Variants in PAK3 observed in about 807,000 individuals in gnomAD.
PAK3 encodes p21 (RAC1) activated kinase 3.
Under a neutral mutation model 41.0 loss-of-function variants are expected in PAK3, and 4 were observed. The observed-to-expected ratio is 0.10, with a 90% CI of 0.05 to 0.22. The LOEUF is 0.22. PAK3 is among the 10% of genes least tolerant of loss of function. The probability of loss-of-function intolerance (pLI) is 1.00; values close to 1 mark genes in which losing one functional copy is unlikely to be tolerated. For missense variants in PAK3, 205 were observed against 409.9 expected (o/e 0.50, Z 4.32); for synonymous variants, 146 against 139.6 (o/e 1.05, Z -0.32).
chrX:111,021,603 C>T (rs753619899), intron 1 of PAK3, among the ~76,000 whole-genome samples: 19 of 110,819 alleles, frequency 1.7e-4, no homozygotes, highest in South Asian at 7.8e-4. Flanking sequence ...TCTGGTAATA[C>T]GACAAAACAA....
At chrX:111,094,679 C>CTTTTTTTT (rs762547955), upstream of PAK3, among the ~76,000 whole-genome samples, 2 of 45,087 alleles carry the variant, frequency 4.4e-5, no homozygotes, top group African/African-American at 9.9e-5. Flanking sequence ...ATCTGTAGCT[C>CTTTTTTTT]TTTTTTTTTT....
chrX:111,048,580 G>A (rs2092523862), intron 1 of PAK3, among the ~76,000 whole-genome samples: 1 of 111,625 alleles, frequency 9.0e-6, no homozygotes, highest in African/African-American at 3.3e-5. Context: ...ATAAGTAAAT[G>A]GTACCATTTG....
chrX:111,174,606 C>A (rs891235836), intron 11 of PAK3, among the ~76,000 whole-genome samples: 7 of 111,991 alleles, frequency 6.3e-5, no homozygotes, highest in Non-Finnish European at 1.1e-4. Context: ...TAGAGATGTT[C>A]TATATCTGTG....
Position 111,205,678 on chromosome X carries a change from A to G in PAK3, c.1407+9038A>G, listed in dbSNP as rs114065253. On this transcript the variant is annotated intron_variant, in intron 16 of 17. Coordinates refer to ENST00000372007, the MANE Select transcript of PAK3 (RefSeq NM_002578.5). ...AACACTGCAGTAATAAAGCTATTGC[A>G]GGGACACAAGGTTCCTCACTCTGTA... Among the ~76,000 whole-genome samples the G allele has an allele frequency of 9.8e-3, 1,091 of 111,508 alleles. 14 individuals carry two copies. The highest frequency in any genetic ancestry group is 0.034 in the African/African-American group (1,030 of 30,673).
At chrX:110,968,907 C>T (rs1225494241) in intron 1 of PAK3, among the ~76,000 whole-genome samples, 2 of 109,190 alleles carry the variant, frequency 1.8e-5, no homozygotes, top group African/African-American at 3.3e-5. Context: ...CCTTACCAGC[C>T]CTGGGTTTCT....
chrX:111,218,548 G>A (rs2149403082), intron 17 of PAK3, among the ~76,000 whole-genome samples: 1 of 111,805 alleles, frequency 8.9e-6, no homozygotes, highest in African/African-American at 3.2e-5. Flanking sequence ...AATAAGGGAA[G>A]GGATTTCAAA....
At chrX:111,044,425 G>T (rs2092478945) in intron 1 of PAK3, among the ~76,000 whole-genome samples, 1 of 112,057 alleles carries the variant, frequency 8.9e-6, no homozygotes, top group African/African-American at 3.2e-5. Context: ...TTTGGTCTTT[G>T]TAGGAGACCC....
intron 1 of PAK3, among the ~76,000 whole-genome samples, chrX:111,056,098 C>T (rs1293997526): frequency 8.9e-6 from 1 of 111,892 alleles, no homozygotes; most frequent in Non-Finnish European, 1.9e-5. Flanking sequence ...TAGGAAACTT[C>T]TAAGATAGTT....
At chrX:110,957,353 C>A (rs1275890709) in intron 1 of PAK3, among the ~76,000 whole-genome samples, 1 of 112,031 alleles carries the variant, frequency 8.9e-6, no homozygotes, top group Admixed American at 9.4e-5. Context: ...AGGCACTGTG[C>A]TAGCTGCCTT....
At chrX:111,095,756 G>C (rs1321391841), upstream of PAK3, among the ~76,000 whole-genome samples, 1 of 111,668 alleles carries the variant, frequency 9.0e-6, no homozygotes. Flanking sequence ...CTGGCTGACA[G>C]GTGGTGTCCC....
chrX:111,012,017 T>C (rs1476046762), intron 1 of PAK3, among the ~76,000 whole-genome samples: 1 of 111,947 alleles, frequency 8.9e-6, no homozygotes, highest in African/African-American at 3.2e-5. Context: ...ATTGTAGTCA[T>C]TCTCAGAGAC....
chrX:111,078,284 T>TA (rs2092804722), intron 1 of PAK3, among the ~76,000 whole-genome samples: 1 of 109,906 alleles, frequency 9.1e-6, no homozygotes, highest in Admixed American at 9.7e-5. Flanking sequence ...TTTTTTTTTT[T>TA]ACAAATTGAA....
intron 1 of PAK3, among the ~76,000 whole-genome samples, chrX:110,966,489 CAG>C (rs764376192): frequency 8.4e-5 from 9 of 107,629 alleles, no homozygotes; most frequent in Non-Finnish European, 1.2e-4. Context: ...AGATCAAGAA[CAG>C]AGAGAGAGAG....
At chrX:111,218,085 A>G (rs2094897561) in intron 17 of PAK3, among the ~76,000 whole-genome samples, 2 of 112,224 alleles carry the variant, frequency 1.8e-5, no homozygotes, top group Admixed American at 9.4e-5. Flanking sequence ...CTTTGAGTCC[A>G]TGCAACTCCA....
Position 111,207,098 on chromosome X carries a change from GTA to G in PAK3, c.1408-9312_1408-9311del, listed in dbSNP as rs1556312650. On this transcript the variant is annotated intron_variant, in intron 16 of 17. Coordinates refer to ENST00000372007, the MANE Select transcript of PAK3 (RefSeq NM_002578.5). ...CGTGTGTGTGTGTGTGTGTGTGTGT[GTA>G]TATATATATACATATATACATATAC... Among the ~76,000 whole-genome samples, 383 of 103,089 alleles carry G rather than the reference GTA, an allele frequency of 3.7e-3. 4 individuals carry two copies. The highest frequency in any genetic ancestry group is 0.012 in the African/African-American group (338 of 28,241). The allele number at this position is 103,089 out of a possible 115,157, so 89.5% of individuals were successfully genotyped here.
At chrX:111,014,344 A>T (rs2092056852) in intron 1 of PAK3, among the ~76,000 whole-genome samples, 1 of 111,577 alleles carries the variant, frequency 9.0e-6, no homozygotes, top group Admixed American at 9.5e-5. Context: ...AAGTAAAAAA[A>T]ATTAGGTAGT....
intron 8 of PAK3, among the ~76,000 whole-genome samples, chrX:111,156,263 C>G (rs1043619604): frequency 9.0e-6 from 1 of 111,226 alleles, no homozygotes; most frequent in Non-Finnish European, 1.9e-5. Flanking sequence ...ACTGATAGGT[C>G]GTGGGTAAAA....
Position 111,152,510 on chromosome X carries a change from A to T in PAK3, c.468+63A>T. 7 of 741,328 alleles carry T rather than the reference A, an allele frequency of 9.4e-6. No homozygotes were observed. In the South Asian group the frequency reaches 1.5e-4, roughly 16 times the overall value. 61.1% of individuals were successfully genotyped at this position (741,328 alleles called of 1,213,427 possible). A position where few individuals can be genotyped will look rare whatever the true frequency, so the allele number is the denominator to read the frequency against. ...GTTTCCAAAGATTTAAGAGAATATAACTGCACAGATCCAGTTTTTAGATAT... is the reference window on the plus strand; with the variant it reads ...GTTTCCAAAGATTTAAGAGAATATATCTGCACAGATCCAGTTTTTAGATAT... On this transcript the variant is annotated intron_variant, in intron 8 of 17. Coordinates refer to ENST00000372007, the MANE Select transcript of PAK3 (RefSeq NM_002578.5).
chrX:111,105,326 A>G (rs775659747), intron 4 of PAK3, among the ~76,000 whole-genome samples: 115 of 111,645 alleles, frequency 1.0e-3, no homozygotes, highest in Middle Eastern at 4.6e-3. Flanking sequence ...CACAGAGGAT[A>G]CAATCACCTT....
Sources: allele counts gnomAD v4.1 joint callset (sites outside exome capture counted in the v4.1 genomes callset), GRCh38; gene constraint gnomAD v4.1.1; transcripts MANE v1.5; gene names NCBI Gene and HGNC (gene_info 2026-07-23, HGNC 2026-07-21).